Variants in TPP1 observed in about 807,000 individuals in gnomAD.
TPP1 encodes the protein tripeptidyl-peptidase 1.
A neutral mutation model predicts 67.6 loss-of-function variants in TPP1; 43 were observed. The ratio of observed to expected loss-of-function variants is 0.64; its 90% CI spans 0.50 to 0.82. The LOEUF (loss-of-function observed/expected upper bound fraction) is 0.82, where lower values mean the gene tolerates loss of function less well. Ranked by LOEUF, TPP1 falls within the 40% of genes least tolerant of loss-of-function variation. TPP1 has a pLI of 0.00. For synonymous variants in TPP1, 272 were observed against 281.5 expected, an observed-to-expected ratio of 0.97 and a Z score of 0.34; for missense variants, 671 against 710.9, an observed-to-expected ratio of 0.94 and a Z score of 0.64.
At chr11:6,614,738 G>A (rs1449463536) in intron 12 of TPP1, 52 bp from the exon 13 acceptor site, 4 of 1,614,018 alleles carry the variant, frequency 2.5e-6, no homozygotes, top group South Asian at 1.1e-5. Flanking sequence ...AGTACTTAAA[G>A]AGTATATCTC....
At position 6,617,127 on chromosome 11, in the gene TPP1, T is replaced by C. The variant is rs1488047336; in HGVS notation, c.535A>G (p.Thr179Ala). 1.2e-6 allele frequency: 2 copies of C among 1,614,092 alleles called. No individual in the cohort carries two copies. Among genetic ancestry groups the C allele is most frequent in the South Asian group, 2.2e-5 (2 of 91,084 alleles). Residue 179 changes from threonine to alanine, a missense_variant, in exon 6 of 13, where the codon ACA becomes GCA. Transcript: ENST00000299427. ...TCAGGACGTTGCCTCAGGGATGATG[T>C]TGGGGGAAAACGGTGCAGTCCCCCC... is the stretch of plus-strand genomic sequence containing the variant. ...FVGGLHRFPP[T>A]SSLRQRPEPQ...
In TPP1 at chr11:6,617,615, T is replaced by C. The variant is rs2134596077; in HGVS notation, c.380+11A>G. 1 of 1,614,116 alleles carries C rather than the reference T, an allele frequency of 6.2e-7. No individual in the cohort carries two copies. The highest frequency in any genetic ancestry group is 1.1e-5 in the South Asian group (1 of 91,084). On this transcript the variant is annotated intron_variant, in intron 4 of 12. Transcript: ENST00000299427. ...ACTGGTGCCCTCCATGGAGCAATCA[T>C]TTCCTCTCACCGGATGCTCAGCCAG...
At chr11:6,616,915 A>T (rs369573403) in intron 6 of TPP1, 56 bp from the exon 7 acceptor site, 2 of 1,613,980 alleles carry the variant, frequency 1.2e-6, no homozygotes, top group East Asian at 2.2e-5. Flanking sequence ...CCAGGGTGGT[A>T]AGGAATTGAG....
At chr11:6,618,471 G>T in intron 3 of TPP1, 1 of 576,122 alleles carries the variant, frequency 1.7e-6, no homozygotes, top group Non-Finnish European at 3.1e-6. Flanking sequence ...TTAATCCAAA[G>T]GCTCTTTGGG....
intron 3 of TPP1, chr11:6,618,295 C>T (rs1222474244): frequency 9.1e-6 from 3 of 329,850 alleles, no homozygotes; most frequent in African/African-American, 6.4e-5. Flanking sequence ...GAGAAGGAAC[C>T]AATCCATTTT....
At position 6,614,231 on chromosome 11, in the gene TPP1, CA is replaced by C. The variant is rs202155605; in HGVS notation, c.*314del. 7.8e-4 allele frequency: 332 copies of C among 426,726 alleles called. 2 individuals carry two copies. In the East Asian group the frequency reaches 0.015, roughly 19 times the overall value. The allele number at this position is 426,726 out of a possible 1,614,324, so 26.4% of individuals were successfully genotyped here. On this transcript the variant is annotated 3_prime_UTR_variant, in exon 13 of 13. Transcript: ENST00000299427. ...AATGAATATCAAGTGAAATAGTGCA[CA>C]GAGTCTGTATACAACCCTTTGGAAA... is the stretch of plus-strand genomic sequence containing the variant.
chr11:6,619,094 G>C (rs1855630219), intron 2 of TPP1, 102 bp downstream of exon 2: 2 of 1,493,150 alleles, frequency 1.3e-6, no homozygotes, highest in African/African-American at 2.8e-5. Context: ...GCTATGGAGT[G>C]CGTACTAGGA....
In TPP1 at chr11:6,613,264, G is replaced by T. The variant is rs1032115129; in HGVS notation, c.*1282C>A. ...GAAGGTGACTTCTGAACTGAGTCTTGCAAGAATTCTGGAAATTAACCTGGC... is the reference window on the plus strand; with the variant it reads ...GAAGGTGACTTCTGAACTGAGTCTTTCAAGAATTCTGGAAATTAACCTGGC... On this transcript the variant is annotated 3_prime_UTR_variant, in exon 13 of 13. Transcript: ENST00000299427. 60 of 152,354 alleles carry T rather than the reference G, an allele frequency of 3.9e-4. No individual in the cohort carries two copies. The highest frequency in any genetic ancestry group is 1.4e-3 in the African/African-American group (58 of 41,580). The allele number at this position is 152,354 out of a possible 1,614,324, so 9.4% of individuals were successfully genotyped here.
At position 6,617,724 on chromosome 11, in the gene TPP1, C is replaced by G; in HGVS notation, c.282G>C (p.Leu94=). 2.5e-6 allele frequency: 4 copies of G among 1,614,204 alleles called. No homozygotes were observed. Among genetic ancestry groups the G allele is most frequent in the Non-Finnish European group, 8.5e-7 (1 of 1,180,036 alleles). ...GCCATTTTTGCACCGTGTGGAGGGT[C>G]AGTGGGGATGGCCTCACCAGATCAG... ...NVADLVRPSP[L]TLHTVQKWLL... is the part of the protein sequence containing the mutation. The change falls in exon 4 of 13, where the codon CTG becomes CTC. Residue 94 remains leucine (L), a synonymous_variant. Transcript: ENST00000299427.
Position 6,617,082 on chromosome 11 carries a change from C to G in TPP1, c.580G>C (p.Val194Leu), listed in dbSNP as rs1303710593. 2 of 1,614,160 alleles carry G rather than the reference C, an allele frequency of 1.2e-6. No homozygotes were observed. Among genetic ancestry groups the G allele is most frequent in the Non-Finnish European group, 8.5e-7 (1 of 1,180,008 alleles). ...QRPEPQVTGT[V>L]GLHLGVTPSV... The stretch of plus-strand genomic sequence containing the variant: ...GGGGTTACCCCCAGATGCAGGCCTA[C>G]AGTCCCTGTCACCTGCGGCTCAGGA... Residue 194 changes from valine to leucine, a missense_variant, in exon 6 of 13, where the codon GTA (valine) becomes CTA (leucine). Coordinates refer to ENST00000299427, the MANE Select transcript of TPP1 (RefSeq NM_000391.4).
Position 6,616,417 on chromosome 11 carries a change from A to G in TPP1, c.973T>C (p.Tyr325His). 3 of 1,613,764 alleles carry G rather than the reference A, an allele frequency of 1.9e-6. No individual in the cohort carries two copies. The highest frequency in any genetic ancestry group is 2.5e-6 in the Non-Finnish European group (3 of 1,179,980). The change falls in exon 8 of 13, where the codon TAT becomes CAT. Residue 325 changes from tyrosine to histidine, a missense_variant. Physicochemically the swap from Tyr to His is moderately conservative, Grantham distance 83 (BLOSUM62 2). Transcript: ENST00000299427. ...CTGAGGGAGTCCTCATCATCTCCATAGCTCACAGTATGCACATGTGGCAGG... is the reference window on the plus strand; with the variant it reads ...CTGAGGGAGTCCTCATCATCTCCATGGCTCACAGTATGCACATGTGGCAGG... ...SALPHVHTVSYGDDEDSLSSA... is the reference protein window; with the variant it reads ...SALPHVHTVSHGDDEDSLSSA...
At chr11:6,619,327 C>T in intron 1 of TPP1, 57 bp downstream of exon 1, 1 of 1,614,140 alleles carries the variant, frequency 6.2e-7, no homozygotes, top group Non-Finnish European at 8.5e-7. Context: ...TCCCACCCTC[C>T]CAATGTGTGC....
intron 3 of TPP1, 199 bp from the exon 4 acceptor site, chr11:6,617,975 T>C: frequency 2.9e-6 from 2 of 678,204 alleles, no homozygotes; most frequent in East Asian, 2.8e-5. Context: ...GCCAATAATA[T>C]GGATTTACCC....
chr11:6,617,814 T>A, intron 3 of TPP1, 38 bp from the exon 4 acceptor site: 4 of 1,614,048 alleles, frequency 2.5e-6, no homozygotes, highest in Non-Finnish European at 3.4e-6. Flanking sequence ...CCTCATTCAT[T>A]GCTTTCCCAA....
At chr11:6,618,051 G>A (rs1220026875) in intron 3 of TPP1, 7 of 509,988 alleles carry the variant, frequency 1.4e-5, no homozygotes, top group South Asian at 1.3e-4. Flanking sequence ...AAATGAATGA[G>A]GTTAATACAT....
chr11:6,619,146 A>G, intron 2 of TPP1, 50 bp downstream of exon 2: 1 of 1,605,448 alleles, frequency 6.2e-7, no homozygotes, highest in Non-Finnish European at 8.5e-7. Context: ...GGACAGTGGG[A>G]GGCAGAACAG....
intron 2 of TPP1, 76 bp downstream of exon 2, chr11:6,619,120 A>C: frequency 6.4e-7 from 1 of 1,572,468 alleles, no homozygotes; most frequent in Non-Finnish European, 8.7e-7. Flanking sequence ...CACGGGGGTG[A>C]GAGAAGCTAG....
intron 3 of TPP1, 120 bp from the exon 4 acceptor site, chr11:6,617,896 A>G (rs1277946105): frequency 1.3e-5 from 18 of 1,385,450 alleles, no homozygotes; most frequent in East Asian, 9.2e-5. Context: ...AAGGAGGGCT[A>G]TGTGTGCAGG....
At chr11:6,617,958 T>C (rs945346817) in intron 3 of TPP1, 182 bp from the exon 4 acceptor site, 1 of 761,342 alleles carries the variant, frequency 1.3e-6, no homozygotes, top group African/African-American at 1.7e-5. Flanking sequence ...AGACTTGAAA[T>C]GCCATGGCCA....
Sources: allele counts gnomAD v4.1 joint callset, GRCh38; gene constraint gnomAD v4.1.1; transcripts MANE v1.5; gene names NCBI Gene and HGNC (gene_info 2026-07-23, HGNC 2026-07-21).